BLTP2: variants seen among roughly 807,000 people sequenced by gnomAD.
BLTP2 encodes bridge-like lipid transfer protein family member 2, also known as U937-associated antigen.
chr17:28,644,898 G>GGC, the BLTP2 span: 8 of 1,133,992 alleles, frequency 7.1e-6, no homozygotes, highest in South Asian at 1.1e-4. Context: ...GCCTCAGTAA[G>GGC]GCGCGCGCCC....
At chr17:28,619,051 T>C in the BLTP2 span, 77 of 1,150,618 alleles carry the variant, frequency 6.7e-5, 2 homozygotes, top group South Asian at 1.0e-3. Context: ...TCTAGAATGA[T>C]GCAGGAGGTA....
chr17:28,643,277 T>C, the BLTP2 span: 5 of 1,614,192 alleles, frequency 3.1e-6, no homozygotes, highest in Non-Finnish European at 4.2e-6. Context: ...TCCGTTCTGA[T>C]ACGCACTTCT....
the BLTP2 span, chr17:28,617,016 A>G: frequency 3.8e-6 from 6 of 1,576,836 alleles, no homozygotes; most frequent in Non-Finnish European, 4.3e-6. Context: ...GATAGAGAGT[A>G]AAGAAGAGCC....
the BLTP2 span, chr17:28,642,527 T>C: frequency 3.2e-5 from 19 of 590,166 alleles, no homozygotes; most frequent in Non-Finnish European, 5.7e-5. Flanking sequence ...GGCGGCCGCC[T>C]GTAGTCCCAG....
At chr17:28,643,299 T>C in the BLTP2 span, 1 of 1,614,008 alleles carries the variant, frequency 6.2e-7, no homozygotes, top group Non-Finnish European at 8.5e-7. Context: ...CAAAGCACAA[T>C]GCCACATAGT....
chr17:28,635,224 A>C, the BLTP2 span: 1 of 1,613,948 alleles, frequency 6.2e-7, no homozygotes. Context: ...CTGCACCTCC[A>C]CCTCCTTGAA....
At chr17:28,635,031 A>G in the BLTP2 span, 1 of 1,613,404 alleles carries the variant, frequency 6.2e-7, no homozygotes, top group Non-Finnish European at 8.5e-7. Flanking sequence ...GAGTCCCTTG[A>G]TGTAGTCCCT....
At chr17:28,636,258 A>C in the BLTP2 span, among the ~76,000 whole-genome samples, 1 of 152,200 alleles carries the variant, frequency 6.6e-6, no homozygotes, top group Non-Finnish European at 1.5e-5. Flanking sequence ...AGGACGGTGA[A>C]GTCTGACAAG....
chr17:28,616,747 C>T, the BLTP2 span: 2 of 1,614,098 alleles, frequency 1.2e-6, no homozygotes, highest in African/African-American at 1.3e-5. This position sits in a 1 kb window ranked among gnomAD's most constrained non-coding sequence, Gnocchi z 4.8. Context: ...AGAGGCACCA[C>T]ATTTACCTAA....
the BLTP2 span, chr17:28,638,199 T>C: frequency 5.0e-6 from 8 of 1,600,788 alleles, no homozygotes; most frequent in Non-Finnish European, 6.0e-6. Context: ...CTCTGACGCA[T>C]GACAGGATGA....
the BLTP2 span, among the ~76,000 whole-genome samples, chr17:28,623,450 C>T: frequency 6.6e-6 from 1 of 152,174 alleles, no homozygotes; most frequent in Non-Finnish European, 1.5e-5. Context: ...CAGTCACTGC[C>T]TGTTTTCTTG....
chr17:28,616,605 T>C, the BLTP2 span: 2 of 1,614,188 alleles, frequency 1.2e-6, no homozygotes, highest in South Asian at 2.2e-5. This position sits in a 1 kb window ranked among gnomAD's most constrained non-coding sequence, Gnocchi z 4.8. Flanking sequence ...GGCTCCACCA[T>C]AAAAGTTCTC....
At chr17:28,641,142 C>G in the BLTP2 span, among the ~76,000 whole-genome samples, 5 of 152,184 alleles carry the variant, frequency 3.3e-5, no homozygotes, top group African/African-American at 1.2e-4. Context: ...AGCAGTTGTC[C>G]CTGTGGGAAC....
At chr17:28,615,737 T>C in the BLTP2 span, 3 of 1,614,158 alleles carry the variant, frequency 1.9e-6, no homozygotes, top group Non-Finnish European at 1.7e-6. Context: ...TGTGTTGTTG[T>C]GGTACTCCAG....
the BLTP2 span, chr17:28,638,089 G>A: frequency 1.9e-6 from 3 of 1,613,628 alleles, no homozygotes; most frequent in African/African-American, 4.0e-5. Flanking sequence ...GCTGGTTATA[G>A]CTACCCTAGA....
At chr17:28,637,968 A>G in the BLTP2 span, 24 of 1,614,114 alleles carry the variant, frequency 1.5e-5, no homozygotes, top group East Asian at 4.2e-4. Context: ...CCCATCAGGG[A>G]TAAGATACGA....
At chr17:28,629,289 C>A in the BLTP2 span, among the ~76,000 whole-genome samples, 2 of 148,406 alleles carry the variant, frequency 1.3e-5, no homozygotes, top group Admixed American at 1.3e-4. Context: ...GGCTGAAGTG[C>A]AGTGGTGTGA....
At chr17:28,644,123 C>T in the BLTP2 span, 2 of 1,614,190 alleles carry the variant, frequency 1.2e-6, no homozygotes, top group African/African-American at 2.7e-5. Context: ...CGGAAGGAGC[C>T]AATCTTTAGC....
the BLTP2 span, chr17:28,617,312 TATTCACCTATAAAGACAG>T: frequency 6.2e-7 from 1 of 1,613,434 alleles, no homozygotes; most frequent in Non-Finnish European, 8.5e-7. Flanking sequence ...TCATCAGACT[TATTCACCTATAAAGACAG>T]ATTTTGCCCC....
Sources: gnomAD v4.1 joint callset for allele counts (sites outside exome capture counted in the v4.1 genomes callset) on GRCh38, gnomAD v4.1.1 for gene constraint, Gnocchi (gnomAD v3.1) non-coding constraint, MANE v1.5 for transcripts, NCBI Gene and HGNC (gene_info 2026-07-23, HGNC 2026-07-21) for gene names.